Variants in LHFPL2 observed in about 807,000 individuals in gnomAD.
LHFPL2 encodes LHFPL tetraspan subfamily member 2 protein.
In LHFPL2, 7 loss-of-function variants were observed where a neutral mutation model predicts 17.5. The observed-to-expected ratio is 0.40, with a 90% CI of 0.23 to 0.75. LHFPL2 has a LOEUF of 0.75. LHFPL2 is among the 30% of genes least tolerant of loss of function. The pLI, the probability that LHFPL2 is intolerant of heterozygous loss-of-function variation, is 0.37. For synonymous variants in LHFPL2, 134 were observed against 116.2 expected, an observed-to-expected ratio of 1.15 and a Z score of -0.99; for missense variants, 241 against 294.8, an observed-to-expected ratio of 0.82 and a Z score of 1.34.
chr5:78,526,625 G>C (rs146200821), intron 3 of LHFPL2, among the ~76,000 whole-genome samples: 1 of 152,168 alleles, frequency 6.6e-6, no homozygotes, highest in African/African-American at 2.4e-5. Context: ...AGTGCTTAAG[G>C]CTGCACACTT....
intron 2 of LHFPL2, among the ~76,000 whole-genome samples, chr5:78,586,814 A>AATT (rs1743425884): frequency 6.6e-6 from 1 of 152,190 alleles, no homozygotes; most frequent in Non-Finnish European, 1.5e-5. Context: ...ATTTTCTAGC[A>AATT]ATTATTATTT....
chr5:78,596,807 G>C lies in LHFPL2; in HGVS notation c.-244-31936C>G, dbSNP rs138838244. 4.0e-3 allele frequency among the ~76,000 whole-genome samples: 509 copies of C among 127,490 alleles called. 4 individuals are homozygous for C. The highest frequency in any genetic ancestry group is 0.013 in the African/African-American group (495 of 37,236). 83.6% of individuals were successfully genotyped at this position (127,490 alleles called of 152,430 possible). ...GTTGTCAGTCATAAGCAAAAATCCA[G>C]AAAATACAAATCTTCCTTTGATAAT... On this transcript the variant is annotated intron_variant, in intron 2 of 4. Coordinates refer to ENST00000380345, the MANE Select transcript of LHFPL2 (RefSeq NM_005779.3).
rs1004975746 is a variant in LHFPL2 at position 78,551,865 on chromosome 5, C to T, written c.-186+12948G>A. Among the ~76,000 whole-genome samples, 8 of 152,168 alleles carry T rather than the reference C, an allele frequency of 5.3e-5. No individual in the cohort carries two copies. The East Asian group carries it at 5.8e-4, about 11-fold the overall frequency. On this transcript the variant is annotated intron_variant, in intron 3 of 4. Transcript: ENST00000380345. ...GACCCTCATTGCAGAGAGGGTACTG[C>T]CCCACACCCAGAAGAAAGGAATGCA...
At chr5:78,511,090 T>G (rs1274035009) in intron 3 of LHFPL2, among the ~76,000 whole-genome samples, 1 of 129,782 alleles carries the variant, frequency 7.7e-6, no homozygotes, top group East Asian at 2.1e-4. Context: ...TTTACACTAA[T>G]TAAAACTCAG....
At chr5:78,516,632 G>T (rs1461782619) in intron 3 of LHFPL2, among the ~76,000 whole-genome samples, 4 of 152,090 alleles carry the variant, frequency 2.6e-5, no homozygotes, top group African/African-American at 9.7e-5. Context: ...ATTTTTAAAA[G>T]GTCTATTCTG....
chr5:78,499,763 G>A (rs1214895682), intron 4 of LHFPL2, among the ~76,000 whole-genome samples: 1 of 152,208 alleles, frequency 6.6e-6, no homozygotes, highest in African/African-American at 2.4e-5. Context: ...AGGTTGACTT[G>A]CTAATCCTAT....
chr5:78,580,231 G>A (rs1275894766), intron 2 of LHFPL2, among the ~76,000 whole-genome samples: 1 of 152,138 alleles, frequency 6.6e-6, no homozygotes, highest in Non-Finnish European at 1.5e-5. Flanking sequence ...GTTCATTGTA[G>A]ATTTTGGATA....
At chr5:78,584,638 C>T (rs376861389) in intron 2 of LHFPL2, among the ~76,000 whole-genome samples, 2 of 152,158 alleles carry the variant, frequency 1.3e-5, no homozygotes, top group Admixed American at 6.5e-5. Context: ...GCAGTCTGCC[C>T]GTTCTCAGAT....
chr5:78,587,662 A>G (rs1364388415), intron 2 of LHFPL2, among the ~76,000 whole-genome samples: 1 of 152,262 alleles, frequency 6.6e-6, no homozygotes, highest in East Asian at 1.9e-4. Context: ...ATCCCCAGCT[A>G]CAGGACAAAA....
intron 3 of LHFPL2, among the ~76,000 whole-genome samples, chr5:78,538,978 T>C (rs944302137): frequency 6.6e-6 from 1 of 152,210 alleles, no homozygotes; most frequent in South Asian, 2.1e-4. Flanking sequence ...AATGGCGACA[T>C]AATGACCCTA....
At chr5:78,584,177 C>G (rs1320410113) in intron 2 of LHFPL2, among the ~76,000 whole-genome samples, 1 of 150,398 alleles carries the variant, frequency 6.6e-6, no homozygotes, top group Non-Finnish European at 1.5e-5. Context: ...TCTAGTTATA[C>G]ATTCTTCTAA....
At chr5:78,597,485 T>G (rs915179575) in intron 2 of LHFPL2, among the ~76,000 whole-genome samples, 1 of 152,160 alleles carries the variant, frequency 6.6e-6, no homozygotes, top group Non-Finnish European at 1.5e-5. Flanking sequence ...TATACCAAAG[T>G]GTGTCTCAGA....
intron 3 of LHFPL2, among the ~76,000 whole-genome samples, chr5:78,525,499 C>T (rs908922391): frequency 2.0e-5 from 3 of 152,116 alleles, no homozygotes; most frequent in Middle Eastern, 3.2e-3. Flanking sequence ...TTAATAAGAA[C>T]GAATGCCCAC....
At chr5:78,492,695 GTC>G (rs1192233098) in intron 4 of LHFPL2, among the ~76,000 whole-genome samples, 1 of 152,206 alleles carries the variant, frequency 6.6e-6, no homozygotes. Context: ...TGTTGTTTAA[GTC>G]ACATAAGAGT....
At position 78,488,674 on chromosome 5, in the gene LHFPL2, A is replaced by C. The variant is rs922029575; in HGVS notation, c.*223T>G. 60 of 562,494 alleles carry C rather than the reference A, an allele frequency of 1.1e-4. No individual in the cohort carries two copies. In the Admixed American group the frequency reaches 1.8e-3, roughly 17 times the overall value. 34.8% of individuals were successfully genotyped at this position (562,494 alleles called of 1,614,324 possible). ...ACTTGGCAACTCCAGGTCTAGGATT[A>C]TATACTATTTTCATGTTCCATTCCT... is the stretch of plus-strand genomic sequence containing the variant. On this transcript the variant is annotated 3_prime_UTR_variant, in exon 5 of 5. Coordinates refer to ENST00000380345, the MANE Select transcript of LHFPL2 (RefSeq NM_005779.3).
intron 3 of LHFPL2, among the ~76,000 whole-genome samples, chr5:78,520,051 A>G (rs1339270204): frequency 2.6e-5 from 4 of 151,256 alleles, no homozygotes; most frequent in African/African-American, 9.9e-5. Flanking sequence ...AGTGGGGGTA[A>G]GGAAAGTCGC....
chr5:78,600,898 G>A (rs1220250773), intron 2 of LHFPL2, among the ~76,000 whole-genome samples: 2 of 152,134 alleles, frequency 1.3e-5, no homozygotes, highest in Admixed American at 1.3e-4. Context: ...CAGATGACCA[G>A]GACAATGTTT....
chr5:78,507,213 C>T (rs1754957107), intron 4 of LHFPL2, among the ~76,000 whole-genome samples: 1 of 151,958 alleles, frequency 6.6e-6, no homozygotes, highest in Non-Finnish European at 1.5e-5. Context: ...GCCTGTCATC[C>T]CAGGTACTTG....
intron 3 of LHFPL2, among the ~76,000 whole-genome samples, chr5:78,562,857 G>A (rs942290790): frequency 6.6e-6 from 1 of 152,186 alleles, no homozygotes; most frequent in African/African-American, 2.4e-5. Flanking sequence ...GGATCCTGAA[G>A]GCTTTGGCAG....
Sources: gnomAD v4.1 joint callset for allele counts (sites outside exome capture counted in the v4.1 genomes callset) on GRCh38, gnomAD v4.1.1 for gene constraint, MANE v1.5 for transcripts, NCBI Gene and HGNC (gene_info 2026-07-23, HGNC 2026-07-21) for gene names.